Variants in DLGAP2 observed in about 807,000 individuals in gnomAD.
DLGAP2 encodes disks large-associated protein 2.
Under a neutral mutation model 100.3 loss-of-function variants are expected in DLGAP2, and 26 were observed. That is an observed-to-expected ratio of 0.26 (90% CI 0.19 to 0.36). The LOEUF is 0.36. DLGAP2 is among the 10% of genes least tolerant of loss of function. The pLI, the probability that DLGAP2 is intolerant of heterozygous loss-of-function variation, is 1.00. For synonymous variants in DLGAP2, 886 were observed against 630.1 expected (o/e 1.41, Z -6.08); for missense variants, 1,858 against 1,453.2 (o/e 1.28, Z -4.53).
intron 1 of DLGAP2, among the ~76,000 whole-genome samples, chr8:779,470 T>TC (rs984326142): frequency 5.3e-5 from 8 of 150,676 alleles, no homozygotes; most frequent in African/African-American, 1.2e-4. Flanking sequence ...TTTCTTTCTT[T>TC]TTTTTTTTTT....
chr8:1,554,621 A>AG (rs950895629), intron 5 of DLGAP2, among the ~76,000 whole-genome samples: 1 of 152,060 alleles, frequency 6.6e-6, no homozygotes, highest in African/African-American at 2.4e-5. Context: ...TGTATCTAGG[A>AG]GGGTCCAACA....
chr8:1,061,208 C>T (rs1489548004), intron 2 of DLGAP2, among the ~76,000 whole-genome samples: 3 of 152,166 alleles, frequency 2.0e-5, no homozygotes, highest in African/African-American at 4.8e-5. Context: ...GAATCGTCGC[C>T]CATCCCTCGT....
intron 1 of DLGAP2, among the ~76,000 whole-genome samples, chr8:844,356 G>A (rs1797034281): frequency 6.6e-6 from 1 of 152,164 alleles, no homozygotes; most frequent in African/African-American, 2.4e-5. Context: ...TTTCATGAAG[G>A]GAGCACAGCC....
chr8:923,223 A>C (rs889379024), intron 2 of DLGAP2, among the ~76,000 whole-genome samples: 1 of 152,112 alleles, frequency 6.6e-6, no homozygotes, highest in African/African-American at 2.4e-5. Context: ...CTCCTGTGTT[A>C]GGTAGCAAAC....
At chr8:1,024,953 G>C (rs1035539498) in intron 2 of DLGAP2, among the ~76,000 whole-genome samples, 1 of 152,136 alleles carries the variant, frequency 6.6e-6, no homozygotes, top group Non-Finnish European at 1.5e-5. Context: ...GTGTTGGTGT[G>C]GGTCTCTCCC....
chr8:1,445,387 G>A (rs1485273698), intron 3 of DLGAP2, among the ~76,000 whole-genome samples: 1 of 151,510 alleles, frequency 6.6e-6, no homozygotes, highest in Non-Finnish European at 1.5e-5. Flanking sequence ...GTGGTTTCCA[G>A]TTTCATCCAT....
At chr8:801,858 C>T (rs564341945) in intron 1 of DLGAP2, among the ~76,000 whole-genome samples, 16 of 152,270 alleles carry the variant, frequency 1.1e-4, no homozygotes, top group South Asian at 2.1e-4. Context: ...TGTGCCCTTT[C>T]GTACCTGAGC....
intron 1 of DLGAP2, among the ~76,000 whole-genome samples, chr8:797,219 G>A (rs1796054610): frequency 1.3e-5 from 2 of 152,108 alleles, no homozygotes; most frequent in African/African-American, 2.4e-5. Context: ...CTGGAAGATC[G>A]CCCACCCACC....
chr8:1,338,163 C>G (rs1801332181), intron 3 of DLGAP2, among the ~76,000 whole-genome samples: 1 of 152,214 alleles, frequency 6.6e-6, no homozygotes, highest in Admixed American at 6.5e-5. Context: ...CCTTATGACC[C>G]AGTGTGTGTA....
rs181831316 is a variant in DLGAP2 at position 1,265,191 on chromosome 8, G to A, written c.106+6308G>A. ...ATAGACTTGCCTAGATATTGGATAC[G>A]TTTATAATTATTAAATAGATTTTCA... On this transcript the variant is annotated intron_variant, in intron 3 of 14. Coordinates refer to ENST00000637795, the MANE Select transcript of DLGAP2 (RefSeq NM_001346810.2). 1.2e-3 allele frequency among the ~76,000 whole-genome samples: 183 copies of A among 152,228 alleles called. 3 individuals carry two copies. Among genetic ancestry groups the A allele is most frequent in the Non-Finnish European group, 2.8e-4 (19 of 68,038 alleles).
intron 2 of DLGAP2, among the ~76,000 whole-genome samples, chr8:1,193,871 G>C (rs543244250): frequency 6.6e-6 from 1 of 152,082 alleles, no homozygotes; most frequent in African/African-American, 2.4e-5. Context: ...TAGAGCCTCC[G>C]CACCGCGCCG....
At chr8:1,296,587 T>C (rs1254116797) in intron 3 of DLGAP2, among the ~76,000 whole-genome samples, 1 of 152,186 alleles carries the variant, frequency 6.6e-6, no homozygotes, top group Non-Finnish European at 1.5e-5. Flanking sequence ...TGAATAAATA[T>C]TTTTCTGGGG....
intron 2 of DLGAP2, among the ~76,000 whole-genome samples, chr8:1,238,161 G>A (rs1193254491): frequency 1.0e-4 from 3 of 28,774 alleles, no homozygotes; most frequent in African/African-American, 4.2e-4. Context: ...CACACATAGC[G>A]TCATGTCTAG....
At chr8:1,096,950 C>A (rs918515990) in intron 2 of DLGAP2, among the ~76,000 whole-genome samples, 1 of 145,650 alleles carries the variant, frequency 6.9e-6, no homozygotes, top group Non-Finnish European at 1.5e-5. Context: ...GGCAGGCCTT[C>A]ACCCTCTGTG....
chr8:1,468,603 C>T (rs1460539169), intron 3 of DLGAP2, among the ~76,000 whole-genome samples: 1 of 152,238 alleles, frequency 6.6e-6, no homozygotes, highest in Non-Finnish European at 1.5e-5. Flanking sequence ...CATCCCTCCA[C>T]CCTTGAAGGA....
intron 1 of DLGAP2, among the ~76,000 whole-genome samples, chr8:829,366 C>A (rs1796740374): frequency 6.6e-6 from 1 of 152,184 alleles, no homozygotes; most frequent in African/African-American, 2.4e-5. Context: ...GTGACAAATG[C>A]CCCGAGGTCT....
intron 1 of DLGAP2, among the ~76,000 whole-genome samples, chr8:895,742 G>A (rs1162117910): frequency 6.6e-6 from 1 of 152,184 alleles, no homozygotes; most frequent in African/African-American, 2.4e-5. Context: ...CGGGAGGATG[G>A]TTGCTGTCCA....
intron 1 of DLGAP2, among the ~76,000 whole-genome samples, chr8:883,647 C>T (rs1348294366): frequency 6.1e-5 from 9 of 148,268 alleles, no homozygotes; most frequent in African/African-American, 7.5e-5. Flanking sequence ...GCGGGTGCCG[C>T]GGCGGTTCGT....
Position 1,548,760 on chromosome 8 carries a change from C to T in DLGAP2, c.307C>T (p.Pro103Ser), listed in dbSNP as rs762919456. Reference sequence around the variant, plus strand: ...TTCCGGGCACACGTGTGGTCTGGCGCCCCCGGAGGACTGCGAGCACCTGCA... The same window carrying T: ...TTCCGGGCACACGTGTGGTCTGGCGTCCCCGGAGGACTGCGAGCACCTGCA... ...LCSGHTCGLA[P>S]PEDCEHLHHG... The change falls in exon 5 of 15, where the codon CCC becomes TCC. Residue 103 changes from proline (P) to serine (S), a missense_variant. Coordinates refer to ENST00000637795, the MANE Select transcript of DLGAP2 (RefSeq NM_001346810.2). The T allele has an allele frequency of 3.1e-6, 5 of 1,601,022 alleles. No individual in the cohort carries two copies. The African/African-American group carries it at 5.4e-5, about 17-fold the overall frequency.
Sources: gnomAD v4.1 joint callset for allele counts (sites outside exome capture counted in the v4.1 genomes callset) on GRCh38, gnomAD v4.1.1 for gene constraint, MANE v1.5 for transcripts, NCBI Gene and HGNC (gene_info 2026-07-23, HGNC 2026-07-21) for gene names.